Variants in CAPZA1 observed in about 807,000 individuals in gnomAD.
CAPZA1 encodes the protein F-actin-capping protein subunit alpha-1.
Under a neutral mutation model 40.8 loss-of-function variants are expected in CAPZA1, and 10 were observed. That is an observed-to-expected ratio of 0.25 (90% CI 0.15 to 0.42). The LOEUF is 0.42. CAPZA1 is among the 10% of genes least tolerant of loss of function. The pLI is 1.00. For synonymous variants in CAPZA1, 98 were observed against 115.0 expected, an observed-to-expected ratio of 0.85 and a Z score of 0.95; for missense variants, 277 against 353.8, an observed-to-expected ratio of 0.78 and a Z score of 1.74.
chr1:112,639,343 C>T (rs1466365673), intron 1 of CAPZA1, among the ~76,000 whole-genome samples: 12 of 152,116 alleles, frequency 7.9e-5, no homozygotes, highest in Admixed American at 7.9e-4. Flanking sequence ...TCTTGATATT[C>T]ACAGATGAAC....
At chr1:112,644,157 T>G (rs919189067) in intron 1 of CAPZA1, among the ~76,000 whole-genome samples, 7 of 149,160 alleles carry the variant, frequency 4.7e-5, no homozygotes, top group Admixed American at 2.0e-4. Context: ...AATTGCTGGG[T>G]TTTTTTTTCT....
At chr1:112,667,723 G>A (rs2101193619) in intron 8 of CAPZA1, among the ~76,000 whole-genome samples, 1 of 152,074 alleles carries the variant, frequency 6.6e-6, no homozygotes, top group Admixed American at 6.5e-5. Context: ...TGGTAGAGAT[G>A]AGGTTTCTAT....
At chr1:112,626,464 A>T (rs905646959) in intron 1 of CAPZA1, among the ~76,000 whole-genome samples, 4 of 151,768 alleles carry the variant, frequency 2.6e-5, no homozygotes, top group African/African-American at 9.6e-5. Context: ...ATGGTGGGAC[A>T]GGGCACAAGT....
chr1:112,668,786 T>C (rs1671773546), intron 8 of CAPZA1, among the ~76,000 whole-genome samples: 1 of 152,226 alleles, frequency 6.6e-6, no homozygotes, highest in Admixed American at 6.5e-5. Flanking sequence ...CTCTGCTTCA[T>C]ACCTTTCATT....
chr1:112,639,726 T>G, intron 1 of CAPZA1, among the ~76,000 whole-genome samples: 1 of 151,792 alleles, frequency 6.6e-6, no homozygotes. Flanking sequence ...GGATGAGGGA[T>G]GTTGACATGC....
chr1:112,670,464 T>C lies in CAPZA1; in HGVS notation c.*332T>C, dbSNP rs1440099466. ...ACTGTTTAAAAAAGTTTCCTAGCCA[T>C]GAAGCCCTGCTACTGATTTAGACAA... On this transcript the variant is annotated 3_prime_UTR_variant, in exon 10 of 10. Transcript: ENST00000263168. 4.5e-5 allele frequency: 10 copies of C among 221,726 alleles called. No individual in the cohort carries two copies. Among genetic ancestry groups the C allele is most frequent in the Middle Eastern group, 1.7e-3 (1 of 604 alleles). 13.7% of individuals were successfully genotyped at this position (221,726 alleles called of 1,614,324 possible).
At chr1:112,637,715 A>C (rs535024084) in intron 1 of CAPZA1, among the ~76,000 whole-genome samples, 2 of 152,262 alleles carry the variant, frequency 1.3e-5, no homozygotes, top group Admixed American at 1.3e-4. Context: ...GGCCTCCTAA[A>C]GTGTTGGGAT....
intron 1 of CAPZA1, among the ~76,000 whole-genome samples, chr1:112,642,959 A>T (rs888980637): frequency 1.3e-5 from 2 of 152,130 alleles, no homozygotes; most frequent in African/African-American, 4.8e-5. Flanking sequence ...TAGTGTGTGA[A>T]TATGTATATA....
At chr1:112,646,539 T>C (rs1208834091) in intron 1 of CAPZA1, among the ~76,000 whole-genome samples, 1 of 152,196 alleles carries the variant, frequency 6.6e-6, no homozygotes. Context: ...ATCATGCCAC[T>C]GCACTCCAGC....
At chr1:112,662,345 T>A (rs1671629024) in intron 7 of CAPZA1, among the ~76,000 whole-genome samples, 1 of 151,554 alleles carries the variant, frequency 6.6e-6, no homozygotes, top group African/African-American at 2.4e-5. Context: ...CTAAAAATTA[T>A]AATAACATTA....
At chr1:112,650,297 G>C (rs1483467827) in intron 3 of CAPZA1, among the ~76,000 whole-genome samples, 1 of 152,104 alleles carries the variant, frequency 6.6e-6, no homozygotes, top group Non-Finnish European at 1.5e-5. Context: ...CTGCTGCCTG[G>C]GAAACAATAA....
Position 112,659,737 on chromosome 1 carries a change from C to T in CAPZA1, c.543C>T (p.Ile181=), listed in dbSNP as rs1238381255. 6.2e-7 allele frequency: 1 copy of T among 1,613,750 alleles called. No individual in the cohort carries two copies. The highest frequency in any genetic ancestry group is 8.5e-7 in the Non-Finnish European group (1 of 1,179,932). The change falls in exon 7 of 10, where the codon ATC becomes ATT. Residue 181 remains isoleucine, a synonymous_variant. Coordinates refer to ENST00000263168, the MANE Select transcript of CAPZA1 (RefSeq NM_006135.3). ...GRWRSEWKFT[I]TPPTAQVVGV... is the part of the protein sequence containing the mutation. Reference sequence around the variant, plus strand: ...GGAGATCAGAGTGGAAGTTCACCATCACACCACCTACAGCCCAGGTGGTTG... The same window carrying T: ...GGAGATCAGAGTGGAAGTTCACCATTACACCACCTACAGCCCAGGTGGTTG...
intron 5 of CAPZA1, 83 bp from the exon 6 acceptor site, chr1:112,658,939 T>A: frequency 3.0e-6 from 3 of 1,008,952 alleles, no homozygotes; most frequent in Non-Finnish European, 4.7e-6. Context: ...CCCCAAGGAT[T>A]TAACACTCTG....
In CAPZA1 at chr1:112,659,792, C is replaced by T. The variant is rs1483001915; in HGVS notation, c.585+13C>T. ...GCTTAAGATTCAGGTGAGATTCCAA[C>T]ATGTTTATAGACTTAAAACTTCACA... On this transcript the variant is annotated intron_variant, in intron 7 of 9. Transcript: ENST00000263168. 6.2e-7 allele frequency: 1 copy of T among 1,601,958 alleles called. No individual in the cohort carries two copies. Among genetic ancestry groups the T allele is most frequent in the Admixed American group, 1.7e-5 (1 of 59,798 alleles).
At position 112,654,574 on chromosome 1, in the gene CAPZA1, C is replaced by T; in HGVS notation, c.329C>T (p.Pro110Leu). Residue 110 changes from proline to leucine, a missense_variant, in exon 5 of 10, where the codon CCA (proline) becomes CTA (leucine). Around this residue, in one of 2 missense-constraint regions of CAPZA1, gnomAD observed 192 missense variants for 277.2 expected, o/e 0.69. Transcript: ENST00000263168. Reference sequence around the variant, plus strand: ...CGGAAAGAAGCAAGTGACCCCCAGCCAGAAGAAGCAGATGGAGGTCTGAAG... The same window carrying T: ...CGGAAAGAAGCAAGTGACCCCCAGCTAGAAGAAGCAGATGGAGGTCTGAAG... ...HLRKEASDPQ[P>L]EEADGGLKSW... 1 of 1,613,876 alleles carries T rather than the reference C, an allele frequency of 6.2e-7. No individual in the cohort carries two copies. The highest frequency in any genetic ancestry group is 8.5e-7 in the Non-Finnish European group (1 of 1,179,806).
intron 5 of CAPZA1, among the ~76,000 whole-genome samples, chr1:112,658,714 C>A (rs1294046814): frequency 2.0e-5 from 3 of 152,188 alleles, no homozygotes; most frequent in Non-Finnish European, 4.4e-5. Context: ...AGTTTCCTGT[C>A]TTGCCTTTAT....
At chr1:112,624,426 C>T (rs574606314) in intron 1 of CAPZA1, among the ~76,000 whole-genome samples, 6 of 151,730 alleles carry the variant, frequency 4.0e-5, no homozygotes, top group Non-Finnish European at 7.4e-5. Flanking sequence ...CTGACCAACA[C>T]GGTGAAACCC....
intron 3 of CAPZA1, among the ~76,000 whole-genome samples, chr1:112,651,546 T>G (rs975820808): frequency 1.3e-5 from 2 of 152,040 alleles, no homozygotes; most frequent in Admixed American, 6.6e-5. Context: ...AAGAGAAGAA[T>G]CAAAGATCAC....
At position 112,659,678 on chromosome 1, in the gene CAPZA1, ATGT is replaced by A. The variant is rs1671565982; in HGVS notation, c.507-19_507-17del. On this transcript the variant is annotated intron_variant, in intron 6 of 9. Coordinates refer to ENST00000263168, the MANE Select transcript of CAPZA1 (RefSeq NM_006135.3). ...TCTTGTGCTTATTGCTAATTCTGCA[ATGT>A]TGTGTGTGTGTTTTAATAGGAATGG... 1.9e-6 allele frequency: 3 copies of A among 1,597,214 alleles called. No individual in the cohort carries two copies. Among genetic ancestry groups the A allele is most frequent in the Non-Finnish European group, 1.7e-6 (2 of 1,166,812 alleles).
Sources: gnomAD v4.1 joint callset for allele counts (sites outside exome capture counted in the v4.1 genomes callset) on GRCh38, gnomAD v4.1.1 for gene constraint, gnomAD v4.1.1 regional missense constraint, MANE v1.5 for transcripts, NCBI Gene and HGNC (gene_info 2026-07-23, HGNC 2026-07-21) for gene names.